Variants in SLC7A14 observed in about 807,000 individuals in gnomAD.
The protein encoded by SLC7A14 is solute carrier family 7 member 14, also known as gamma-aminobutyric acid transporter SLC7A14.
A neutral mutation model predicts 60.2 loss-of-function variants in SLC7A14; 37 were observed. The observed-to-expected ratio is 0.61, with a 90% CI of 0.47 to 0.81. The LOEUF (loss-of-function observed/expected upper bound fraction) is 0.81, where lower values mean the gene tolerates loss of function less well. Ranked by LOEUF, SLC7A14 falls within the 30% of genes least tolerant of loss-of-function variation. SLC7A14 has a pLI of 0.00. For missense variants in SLC7A14, 886 were observed against 982.7 expected (o/e 0.90, Z 1.32); for synonymous variants, 399 against 395.8 (o/e 1.01, Z -0.10).
At chr3:170,484,336 G>A (rs1711946739) in intron 5 of SLC7A14, among the ~76,000 whole-genome samples, 1 of 152,202 alleles carries the variant, frequency 6.6e-6, no homozygotes. Flanking sequence ...TCAACACTCT[G>A]CCTACGGGGA....
intron 7 of SLC7A14, among the ~76,000 whole-genome samples, chr3:170,468,363 T>C (rs113658413): frequency 0.026 from 4,001 of 152,146 alleles, 184 homozygotes; most frequent in African/African-American, 0.09. Flanking sequence ...AGTGGCATGA[T>C]CTCGGCTCAC....
intron 7 of SLC7A14, among the ~76,000 whole-genome samples, chr3:170,476,007 C>G (rs758476797): frequency 6.6e-6 from 1 of 152,184 alleles, no homozygotes; most frequent in East Asian, 1.9e-4. Flanking sequence ...GCCACCACGC[C>G]CAGCCTCAAA....
chr3:170,533,495 C>T (rs1237545688), intron 1 of SLC7A14, among the ~76,000 whole-genome samples: 1 of 152,216 alleles, frequency 6.6e-6, no homozygotes, highest in African/African-American at 2.4e-5. Flanking sequence ...TAAACATCTT[C>T]AATTTCTTCT....
chr3:170,581,787 TC>T (rs1276719364), intron 1 of SLC7A14, among the ~76,000 whole-genome samples: 1 of 152,160 alleles, frequency 6.6e-6, no homozygotes, highest in African/African-American at 2.4e-5. Context: ...TTATGGCAAT[TC>T]TCATCAACAT....
intron 4 of SLC7A14, chr3:170,496,209 A>G: frequency 1.1e-6 from 1 of 916,126 alleles, no homozygotes; most frequent in Admixed American, 1.7e-5. Context: ...GGACAGCATC[A>G]TCGCTGAGGT....
intron 1 of SLC7A14, among the ~76,000 whole-genome samples, chr3:170,566,340 G>C (rs1317121271): frequency 6.6e-6 from 1 of 151,478 alleles, no homozygotes; most frequent in Non-Finnish European, 1.5e-5. Flanking sequence ...CAGGTGTAGA[G>C]CCAAGGAGAG....
intron 2 of SLC7A14, among the ~76,000 whole-genome samples, chr3:170,513,477 G>T (rs964616131): frequency 6.6e-6 from 1 of 152,056 alleles, no homozygotes; most frequent in Non-Finnish European, 1.5e-5. Context: ...GAGTTAATAA[G>T]GTCTACAGAT....
chr3:170,480,287 AC>A lies in SLC7A14; in HGVS notation c.1993+1del. On this transcript the variant is annotated splice_donor_variant, in intron 7 of 7. Transcript: ENST00000231706. LOFTEE classifies it high-confidence loss of function. ...CTTAAGGCTCCAAAGGAAGTTGCTT[AC>A]CCACAAAGCACCAGACCGCAAACCG... The A allele has an allele frequency of 6.6e-7, 1 of 1,521,822 alleles. No homozygotes were observed. The highest frequency in any genetic ancestry group is 1.3e-5 in the South Asian group (1 of 75,480). 94.3% of individuals were successfully genotyped at this position (1,521,822 alleles called of 1,614,324 possible).
In SLC7A14 at chr3:170,462,510, T is replaced by C. The variant is rs900223395; in HGVS notation, c.*4545A>G. 16 of 152,218 alleles carry C rather than the reference T, an allele frequency of 1.1e-4. No individual in the cohort carries two copies. The highest frequency in any genetic ancestry group is 3.6e-4 in the African/African-American group (15 of 41,454). The allele number at this position is 152,218 out of a possible 1,614,324, so 9.4% of individuals were successfully genotyped here. A position where few individuals can be genotyped will look rare whatever the true frequency, so the allele number is the denominator to read the frequency against. On this transcript the variant is annotated 3_prime_UTR_variant, in exon 8 of 8. Transcript: ENST00000231706. ...GGATTGTTAAATTCAACAACTCCCT[T>C]CCGCCCGCCATTTATTTAAACAGAT...
chr3:170,570,465 T>G (rs149896184), intron 1 of SLC7A14: 1 of 151,348 alleles, frequency 6.6e-6, no homozygotes, highest in Non-Finnish European at 1.5e-5. Flanking sequence ...TAAAATAAAA[T>G]AAAATAAAAT....
intron 1 of SLC7A14, among the ~76,000 whole-genome samples, chr3:170,568,411 AGCCTTGTAG>A (rs1290072098): frequency 5.3e-5 from 8 of 152,190 alleles, no homozygotes; most frequent in Non-Finnish European, 8.8e-5. Flanking sequence ...TGGTTACTGT[AGCCTTGTAG>A]TATAGTTTGA....
intron 7 of SLC7A14, among the ~76,000 whole-genome samples, chr3:170,472,596 T>G (rs1739947772): frequency 6.6e-6 from 1 of 151,776 alleles, no homozygotes; most frequent in Non-Finnish European, 1.5e-5. Context: ...AAACCCCGTC[T>G]CTACTAAAAA....
At chr3:170,496,410 C>T (rs756229683) in intron 4 of SLC7A14, 6 of 1,384,628 alleles carry the variant, frequency 4.3e-6, no homozygotes, top group Non-Finnish European at 6.2e-6. Context: ...CCTCAAAGGC[C>T]AGAGGGCTTC....
At chr3:170,568,002 CTTTAG>C (rs1352585370) in intron 1 of SLC7A14, among the ~76,000 whole-genome samples, 4 of 152,056 alleles carry the variant, frequency 2.6e-5, no homozygotes, top group African/African-American at 9.7e-5. Flanking sequence ...TGCAGAAGCT[CTTTAG>C]TTTAATTAGA....
At chr3:170,511,082 G>A (rs1207820712) in intron 2 of SLC7A14, among the ~76,000 whole-genome samples, 1 of 152,178 alleles carries the variant, frequency 6.6e-6, no homozygotes, top group Non-Finnish European at 1.5e-5. Flanking sequence ...TTTGCTCAGT[G>A]CCTGGGCATA....
chr3:170,529,221 C>A (rs1467173163), intron 1 of SLC7A14, among the ~76,000 whole-genome samples: 1 of 152,142 alleles, frequency 6.6e-6, no homozygotes, highest in African/African-American at 2.4e-5. Flanking sequence ...CTTTCAGACC[C>A]TTTTCTATGT....
At chr3:170,536,895 T>G (rs1415059984) in intron 1 of SLC7A14, among the ~76,000 whole-genome samples, 1 of 152,204 alleles carries the variant, frequency 6.6e-6, no homozygotes, top group Non-Finnish European at 1.5e-5. Flanking sequence ...TCATCCAGCC[T>G]GGCACCTTCA....
intron 6 of SLC7A14, 41 bp from the exon 7 acceptor site, chr3:170,481,207 A>G: frequency 1.3e-6 from 2 of 1,576,554 alleles, no homozygotes; most frequent in African/African-American, 1.3e-5. Context: ...GGTGAGCTAC[A>G]GTGACCGATT....
At chr3:170,477,721 T>G (rs1303058682) in intron 7 of SLC7A14, among the ~76,000 whole-genome samples, 5 of 152,254 alleles carry the variant, frequency 3.3e-5, no homozygotes, top group African/African-American at 1.2e-4. Context: ...TGTGTATGTG[T>G]GGTTTTTCTA....
Sources: gnomAD v4.1 joint callset for allele counts (sites outside exome capture counted in the v4.1 genomes callset) on GRCh38, gnomAD v4.1.1 for gene constraint, MANE v1.5 for transcripts, NCBI Gene and HGNC (gene_info 2026-07-23, HGNC 2026-07-21) for gene names.